The following SPMAP2L variants were observed in gnomAD, a reference collection of about 807,000 sequenced individuals.
The protein encoded by SPMAP2L is sperm microtubule associated protein 2 like.
At chr4:56,581,643 G>A in the SPMAP2L span, among the ~76,000 whole-genome samples, 129 of 151,794 alleles carry the variant, frequency 8.5e-4, 2 homozygotes, top group Middle Eastern at 3.4e-3. Context: ...AATAATTCCA[G>A]CTTCCTTTTT....
At chr4:56,593,664 T>C in the SPMAP2L span, 2 of 1,604,518 alleles carry the variant, frequency 1.2e-6, no homozygotes, top group Non-Finnish European at 1.7e-6. Context: ...TTTTTTGCCG[T>C]CCGAGAAAGC....
the SPMAP2L span, chr4:56,531,190 G>T: frequency 6.6e-7 from 1 of 1,508,790 alleles, no homozygotes; most frequent in African/African-American, 1.4e-5. Flanking sequence ...CCCTTCCCTC[G>T]TCCCCTCTCC....
the SPMAP2L span, among the ~76,000 whole-genome samples, chr4:56,543,949 A>AGT: frequency 7.6e-3 from 886 of 115,846 alleles, 6 homozygotes; most frequent in African/African-American, 9.6e-3. Context: ...AGAGAGAGAG[A>AGT]GTGTGTGTGT....
At chr4:56,617,142 T>G in the SPMAP2L span, among the ~76,000 whole-genome samples, 4 of 152,322 alleles carry the variant, frequency 2.6e-5, no homozygotes, top group East Asian at 7.7e-4. Context: ...TAGAGTGTAC[T>G]TGCGCAAACC....
chr4:56,593,634 A>T, the SPMAP2L span: 1 of 1,605,172 alleles, frequency 6.2e-7, no homozygotes, highest in Non-Finnish European at 8.5e-7. Context: ...CCACTGGGCT[A>T]TGGGGGACCC....
the SPMAP2L span, among the ~76,000 whole-genome samples, chr4:56,591,909 A>C: frequency 6.6e-6 from 1 of 152,174 alleles, no homozygotes; most frequent in Non-Finnish European, 1.5e-5. Flanking sequence ...GTGATTTGTG[A>C]TAATATGAGC....
chr4:56,615,059 C>T, the SPMAP2L span, among the ~76,000 whole-genome samples: 1 of 152,196 alleles, frequency 6.6e-6, no homozygotes, highest in Non-Finnish European at 1.5e-5. Context: ...GGGCATTGCA[C>T]ATGCCCAGTT....
At chr4:56,530,848 C>G in the SPMAP2L span, 1 of 1,534,908 alleles carries the variant, frequency 6.5e-7, no homozygotes, top group East Asian at 2.4e-5. Context: ...ACACGAGAAT[C>G]CCGAGGAACC....
At chr4:56,592,806 C>CTAAGACAAGTGTAAAG in the SPMAP2L span, among the ~76,000 whole-genome samples, 2 of 151,910 alleles carry the variant, frequency 1.3e-5, no homozygotes, top group South Asian at 4.1e-4. Flanking sequence ...GCTGGGGCCT[C>CTAAGACAAGTGTAAAG]GCGCCTCCTG....
the SPMAP2L span, among the ~76,000 whole-genome samples, chr4:56,617,859 C>T: frequency 6.6e-6 from 1 of 152,128 alleles, no homozygotes; most frequent in Non-Finnish European, 1.5e-5. Flanking sequence ...AGATGGTTTT[C>T]CCCTGGAGTC....
chr4:56,552,770 G>A, the SPMAP2L span, among the ~76,000 whole-genome samples: 1 of 152,166 alleles, frequency 6.6e-6, no homozygotes, highest in East Asian at 1.9e-4. Flanking sequence ...CCCTTGGTCA[G>A]TGGTTCTTAA....
At chr4:56,581,990 C>T in the SPMAP2L span, among the ~76,000 whole-genome samples, 64 of 152,272 alleles carry the variant, frequency 4.2e-4, no homozygotes, top group East Asian at 7.7e-4. Flanking sequence ...TGATGTTTGA[C>T]GCCCACATCA....
the SPMAP2L span, among the ~76,000 whole-genome samples, chr4:56,533,651 CA>C: frequency 6.6e-6 from 1 of 152,124 alleles, no homozygotes; most frequent in South Asian, 2.1e-4. Flanking sequence ...CATCAGCATA[CA>C]AACATGTGCA....
At chr4:56,598,476 A>C in the SPMAP2L span, among the ~76,000 whole-genome samples, 1 of 152,192 alleles carries the variant, frequency 6.6e-6, no homozygotes, top group Non-Finnish European at 1.5e-5. Context: ...TAAGTCCTGC[A>C]GAAGAGGGTA....
the SPMAP2L span, among the ~76,000 whole-genome samples, chr4:56,549,511 A>G: frequency 2.0e-5 from 3 of 152,234 alleles, no homozygotes; most frequent in African/African-American, 7.2e-5. Flanking sequence ...AAAGAAAAGA[A>G]AAAAGTATAT....
chr4:56,593,295 C>A, the SPMAP2L span: 1 of 1,180,084 alleles, frequency 8.5e-7, no homozygotes, highest in Non-Finnish European at 1.3e-6. Context: ...GCTACAGACA[C>A]AAGAGGAGGA....
the SPMAP2L span, among the ~76,000 whole-genome samples, chr4:56,583,569 G>C: frequency 6.6e-6 from 1 of 152,102 alleles, no homozygotes; most frequent in African/African-American, 2.4e-5. Flanking sequence ...TATTAGGCTC[G>C]TAGGTTTGTC....
the SPMAP2L span, among the ~76,000 whole-genome samples, chr4:56,559,724 C>G: frequency 6.6e-6 from 1 of 152,084 alleles, no homozygotes; most frequent in Non-Finnish European, 1.5e-5. Flanking sequence ...CACACCACCA[C>G]ACCCAGCTAA....
chr4:56,581,676 T>C, the SPMAP2L span, among the ~76,000 whole-genome samples: 1 of 151,554 alleles, frequency 6.6e-6, no homozygotes, highest in Non-Finnish European at 1.5e-5. Context: ...GATAAAGTGA[T>C]CCTAAAGTTC....
Sources: allele counts gnomAD v4.1 joint callset (sites outside exome capture counted in the v4.1 genomes callset), GRCh38; gene constraint gnomAD v4.1.1; transcripts MANE v1.5; gene names NCBI Gene and HGNC (gene_info 2026-07-23, HGNC 2026-07-21).